Variants in RFWD3 observed in about 807,000 individuals in gnomAD.
RFWD3 encodes the protein ring finger and WD repeat domain 3, also known as E3 ubiquitin-protein ligase RFWD3.
RFWD3 carries 65 observed loss-of-function variants against 87.7 expected under a neutral mutation model. That is an observed-to-expected ratio of 0.74 (90% CI 0.61 to 0.91). RFWD3 has a LOEUF of 0.91. Ranked by LOEUF, RFWD3 falls within the 40% of genes least tolerant of loss-of-function variation. The probability of loss-of-function intolerance (pLI) is 0.00; values close to 1 mark genes in which losing one functional copy is unlikely to be tolerated. For missense variants in RFWD3, 1,078 were observed against 938.5 expected (o/e 1.15, Z -1.94); for synonymous variants, 433 against 352.8 (o/e 1.23, Z -2.55).
intron 2 of RFWD3, among the ~76,000 whole-genome samples, chr16:74,654,111 A>G (rs77635293): frequency 0.018 from 2,738 of 152,248 alleles, 36 homozygotes; most frequent in Non-Finnish European, 0.028. Flanking sequence ...CACACCTAAA[A>G]GGGACCCTGT....
At position 74,651,984 on chromosome 16, in the gene RFWD3, G is replaced by C; in HGVS notation, c.657C>G (p.Asp219Glu). The C allele has an allele frequency of 6.2e-7, 1 of 1,614,044 alleles. No individual in the cohort carries two copies. The highest frequency in any genetic ancestry group is 8.5e-7 in the Non-Finnish European group (1 of 1,179,980). Residue 219 changes from aspartate (D) to glutamate (E), a missense_variant, in exon 3 of 13, where the codon GAC (aspartate) becomes GAG (glutamate). Transcript: ENST00000361070. ...QVSSSSDSDS[D>E]SSAEYGGVVD... ...CAACCCCTCCATACTCTGCAGAGCT[G>C]TCACTGTCAGAATCAGAACTACTAG...
At chr16:74,633,155 T>G (rs1959154627) in intron 8 of RFWD3, among the ~76,000 whole-genome samples, 1 of 151,772 alleles carries the variant, frequency 6.6e-6, no homozygotes, top group Non-Finnish European at 1.5e-5. Flanking sequence ...CAAGTTCCTG[T>G]AATCCCAGCT....
chr16:74,660,717 AACT>A, intron 2 of RFWD3: 1 of 548,834 alleles, frequency 1.8e-6, no homozygotes. Flanking sequence ...ATTGCCAACA[AACT>A]ACCACCTAGT....
chr16:74,644,620 G>C lies in RFWD3; in HGVS notation c.908C>G (p.Ser303Ter). ...QWTNAGDHRL[S>*]ALRCGHLFGY... ...AAAGAGATGCCCACAGCGTAATGCTGAGAGCCGGTGGTCCCCAGCATTGGT... is the reference window on the plus strand; with the variant it reads ...AAAGAGATGCCCACAGCGTAATGCTCAGAGCCGGTGGTCCCCAGCATTGGT... The change falls in exon 5 of 13, where the codon TCA becomes TGA. Residue 303 changes from serine to a stop codon, truncating the protein, a stop_gained. Coordinates refer to ENST00000361070, the MANE Select transcript of RFWD3 (RefSeq NM_018124.4). LOFTEE classifies it high-confidence loss of function. 1 of 1,614,206 alleles carries C rather than the reference G, an allele frequency of 6.2e-7. No homozygotes were observed. The highest frequency in any genetic ancestry group is 8.5e-7 in the Non-Finnish European group (1 of 1,180,048).
intron 2 of RFWD3, among the ~76,000 whole-genome samples, chr16:74,655,161 T>A (rs1266697824): frequency 1.3e-5 from 2 of 152,194 alleles, no homozygotes; most frequent in Non-Finnish European, 2.9e-5. Flanking sequence ...TACAGAGAAG[T>A]CAATGCCTGG....
At position 74,662,727 on chromosome 16, in the gene RFWD3, G is replaced by T. The variant is rs1477645251; in HGVS notation, c.-2-1276C>A. Among the ~76,000 whole-genome samples the T allele has an allele frequency of 3.3e-5, 5 of 152,288 alleles. No individual in the cohort carries two copies. In the South Asian group the frequency reaches 1.0e-3, roughly 32 times the overall value. On this transcript the variant is annotated intron_variant, in intron 1 of 12. Transcript: ENST00000361070. ...ATTATTAAAGGGCCTATGGGCCTTG[G>T]TAAGGAGTTTCTTCTATGTTAGGAA...
chr16:74,647,086 A>AG (rs1317188752), intron 4 of RFWD3, among the ~76,000 whole-genome samples: 1 of 135,118 alleles, frequency 7.4e-6, no homozygotes, highest in African/African-American at 3.3e-5. Context: ...CACTCGTCTC[A>AG]AAAAAAAAAA....
chr16:74,632,411 A>AAACAAC (rs567925373), intron 9 of RFWD3, 112 bp downstream of exon 9: 3 of 1,294,452 alleles, frequency 2.3e-6, no homozygotes, highest in East Asian at 2.4e-5. Flanking sequence ...AAACAAAACA[A>AAACAAC]AACAACAACA....
chr16:74,656,803 A>G (rs1031137798), intron 2 of RFWD3, among the ~76,000 whole-genome samples: 44 of 152,152 alleles, frequency 2.9e-4, no homozygotes, highest in Admixed American at 2.8e-3. Flanking sequence ...GATTCATGGG[A>G]GGAGGCCAAA....
chr16:74,641,220 T>C (rs532818479), intron 6 of RFWD3, among the ~76,000 whole-genome samples: 25 of 152,032 alleles, frequency 1.6e-4, no homozygotes, highest in African/African-American at 6.0e-4. Context: ...AGGAGTGCAA[T>C]GGTGCGACCT....
At position 74,660,987 on chromosome 16, in the gene RFWD3, C is replaced by A. The variant is rs181786689; in HGVS notation, c.463G>T (p.Val155Leu). 4.3e-6 allele frequency: 7 copies of A among 1,614,144 alleles called. No homozygotes were observed. The East Asian group carries it at 1.6e-4, about 36-fold the overall frequency. Residue 155 changes from valine (V) to leucine (L), a missense_variant, in exon 2 of 13, where the codon GTA becomes TTA. Coordinates refer to ENST00000361070, the MANE Select transcript of RFWD3 (RefSeq NM_018124.4). Reference protein sequence around the residue: ...SVGPMRTRRRVSASRRARAGG... With the variant: ...SVGPMRTRRRLSASRRARAGG... Reference sequence around the variant, plus strand: ...GCTCTTGCCCTCCGTGAAGCAGATACCCTCCTTCTTGTTCTCATTGGCCCT... The same window carrying A: ...GCTCTTGCCCTCCGTGAAGCAGATAACCTCCTTCTTGTTCTCATTGGCCCT...
At chr16:74,626,142 G>A (rs946094342) in intron 12 of RFWD3, among the ~76,000 whole-genome samples, 9 of 152,296 alleles carry the variant, frequency 5.9e-5, no homozygotes, top group Non-Finnish European at 1.0e-4. Context: ...GTTCAGTCAA[G>A]ATCTACAAAG....
At chr16:74,657,991 C>A (rs1250379583) in intron 2 of RFWD3, among the ~76,000 whole-genome samples, 1 of 152,086 alleles carries the variant, frequency 6.6e-6, no homozygotes, top group Non-Finnish European at 1.5e-5. Flanking sequence ...TAAAAAAAAT[C>A]ACTCTTTAAT....
chr16:74,623,980 C>T lies in RFWD3; in HGVS notation c.2273G>A (p.Ser758Asn). 1.2e-6 allele frequency: 2 copies of T among 1,614,136 alleles called. No individual in the cohort carries two copies. Among genetic ancestry groups the T allele is most frequent in the Non-Finnish European group, 1.7e-6 (2 of 1,180,020 alleles). ...CTTCTCTGTTAAGGTAGCCAAGTAG[C>T]TGTTACGGTTCACCTCAAATGGGCA... ...DICPFEVNRN[S>N]YLATLTEKMV... The change falls in exon 13 of 13, where the codon AGC (serine) becomes AAC (asparagine). Residue 758 changes from serine (S) to asparagine (N), a missense_variant. Ser to Asn is a conservative substitution (Grantham distance 46). Coordinates refer to ENST00000361070, the MANE Select transcript of RFWD3 (RefSeq NM_018124.4).
chr16:74,646,289 T>C (rs1960134924), intron 4 of RFWD3, among the ~76,000 whole-genome samples: 2 of 152,150 alleles, frequency 1.3e-5, no homozygotes, highest in African/African-American at 2.4e-5. Flanking sequence ...GGTAGAAGCA[T>C]CACCTGAGCC....
At chr16:74,626,672 C>A in intron 11 of RFWD3, 118 bp from the exon 12 acceptor site, 1 of 691,300 alleles carries the variant, frequency 1.4e-6, no homozygotes. Context: ...ATGCATTAAA[C>A]CATCAAGAAC....
intron 6 of RFWD3, among the ~76,000 whole-genome samples, chr16:74,641,473 A>G (rs371338423): frequency 1.1e-4 from 3 of 28,412 alleles, no homozygotes; most frequent in Non-Finnish European, 1.8e-4. Flanking sequence ...TAAACAGATT[A>G]ATTTTGACTA....
intron 8 of RFWD3, among the ~76,000 whole-genome samples, chr16:74,634,679 G>C (rs1258131455): frequency 2.0e-5 from 3 of 152,052 alleles, no homozygotes; most frequent in Non-Finnish European, 2.9e-5. Context: ...ATGAGCCACT[G>C]TGCCCACTTG....
intron 4 of RFWD3, among the ~76,000 whole-genome samples, chr16:74,646,483 C>T (rs1960155637): frequency 6.6e-6 from 1 of 152,004 alleles, no homozygotes; most frequent in African/African-American, 2.4e-5. Flanking sequence ...CCATGCTTTA[C>T]ATGATAAGAA....
Sources: allele counts gnomAD v4.1 joint callset (sites outside exome capture counted in the v4.1 genomes callset), GRCh38; gene constraint gnomAD v4.1.1; transcripts MANE v1.5; gene names NCBI Gene and HGNC (gene_info 2026-07-23, HGNC 2026-07-21).